Variants in SHANK2 observed in about 807,000 individuals in gnomAD.
SHANK2 encodes the protein SH3 and multiple ankyrin repeat domains 2.
Under a neutral mutation model 133.7 loss-of-function variants are expected in SHANK2, and 43 were observed. The ratio of observed to expected loss-of-function variants is 0.32; its 90% CI spans 0.25 to 0.41. The LOEUF (loss-of-function observed/expected upper bound fraction) is 0.41. SHANK2 is among the 10% of genes least tolerant of loss of function. SHANK2 has a pLI of 1.00. For synonymous variants in SHANK2, 1,017 were observed against 952.8 expected, an observed-to-expected ratio of 1.07 and a Z score of -1.24; for missense variants, 1,994 against 2,235.8, an observed-to-expected ratio of 0.89 and a Z score of 2.18.
chr11:70,596,226 C>T (rs1304905795), intron 17 of SHANK2, among the ~76,000 whole-genome samples: 2 of 152,224 alleles, frequency 1.3e-5, no homozygotes, highest in African/African-American at 4.8e-5. Context: ...CTGTGGGGCA[C>T]CTGGGCCAGG....
At chr11:71,251,235 G>C (rs1484919779) in intron 1 of SHANK2, among the ~76,000 whole-genome samples, 3 of 152,138 alleles carry the variant, frequency 2.0e-5, no homozygotes, top group Non-Finnish European at 2.9e-5. Flanking sequence ...CCAGCCCCAC[G>C]GAAAGGCAAG....
intron 8 of SHANK2, among the ~76,000 whole-genome samples, chr11:71,086,662 A>C (rs1187295694): frequency 1.3e-5 from 2 of 151,290 alleles, no homozygotes; most frequent in East Asian, 3.9e-4. Flanking sequence ...CCTGAGAAGG[A>C]TGAGATCCTG....
intron 17 of SHANK2, among the ~76,000 whole-genome samples, chr11:70,622,664 C>T (rs1329250442): frequency 6.6e-6 from 1 of 152,208 alleles, no homozygotes; most frequent in Non-Finnish European, 1.5e-5. Context: ...CTCAAGATCT[C>T]ATCTCAAGAT....
chr11:70,876,185 C>T (rs1307779043), intron 11 of SHANK2, among the ~76,000 whole-genome samples: 1 of 151,442 alleles, frequency 6.6e-6, no homozygotes. Context: ...CATATATACA[C>T]ACACGTATAT....
intron 15 of SHANK2, 69 bp from the exon 16 acceptor site, chr11:70,661,747 G>A (rs1038601607): frequency 2.5e-6 from 4 of 1,614,056 alleles, no homozygotes; most frequent in Non-Finnish European, 2.5e-6. Flanking sequence ...CCGCTCCTCC[G>A]CCGGGGACGT....
chr11:70,811,243 A>G (rs993564441), intron 12 of SHANK2, among the ~76,000 whole-genome samples: 6 of 152,204 alleles, frequency 3.9e-5, no homozygotes, highest in African/African-American at 1.4e-4. Flanking sequence ...AGCAGGAGTC[A>G]CAGGGTCTGT....
intron 3 of SHANK2, among the ~76,000 whole-genome samples, chr11:71,139,078 C>A (rs1432737714): frequency 1.3e-5 from 2 of 152,228 alleles, no homozygotes; most frequent in Non-Finnish European, 2.9e-5. Context: ...TGAAGTACCC[C>A]ACTGGAAGAT....
intron 8 of SHANK2, among the ~76,000 whole-genome samples, chr11:71,085,793 TGATAC>T (rs1299330116): frequency 3.0e-3 from 213 of 71,574 alleles, no homozygotes; most frequent in African/African-American, 5.7e-3. Flanking sequence ...ATATAATATA[TGATAC>T]AACATAATAT....
At chr11:70,855,406 G>T (rs548223189) in intron 11 of SHANK2, among the ~76,000 whole-genome samples, 1 of 152,288 alleles carries the variant, frequency 6.6e-6, no homozygotes, top group South Asian at 2.1e-4. Flanking sequence ...CCTCCTCTTT[G>T]CTCCCCCAAC....
chr11:71,131,044 C>A (rs1383313709), intron 3 of SHANK2, among the ~76,000 whole-genome samples: 1 of 152,238 alleles, frequency 6.6e-6, no homozygotes, highest in Non-Finnish European at 1.5e-5. Context: ...TAAACACAAG[C>A]TTGGCAGGGG....
chr11:70,514,377 G>A (rs972454801), intron 17 of SHANK2, among the ~76,000 whole-genome samples: 3 of 152,198 alleles, frequency 2.0e-5, no homozygotes, highest in African/African-American at 4.8e-5. Flanking sequence ...ACTAAAGAAC[G>A]TTCTTCAAGC....
chr11:71,115,253 T>C (rs1338642375), intron 4 of SHANK2, among the ~76,000 whole-genome samples: 1 of 152,078 alleles, frequency 6.6e-6, no homozygotes, highest in Non-Finnish European at 1.5e-5. Context: ...TGGATCAACC[T>C]GAGGCCAGGA....
At chr11:71,233,207 G>A (rs1954772804) in intron 1 of SHANK2, among the ~76,000 whole-genome samples, 1 of 152,088 alleles carries the variant, frequency 6.6e-6, no homozygotes, top group African/African-American at 2.4e-5. Context: ...CCCAAAAGTG[G>A]AGGTAACCCC....
intron 10 of SHANK2, among the ~76,000 whole-genome samples, chr11:70,901,001 A>G (rs1950014506): frequency 6.6e-6 from 1 of 152,174 alleles, no homozygotes; most frequent in Non-Finnish European, 1.5e-5. Context: ...CTCACAGCAG[A>G]GACACAGCCG....
chr11:70,934,812 G>T (rs114093433), intron 10 of SHANK2, among the ~76,000 whole-genome samples: 2 of 152,182 alleles, frequency 1.3e-5, no homozygotes, highest in South Asian at 2.1e-4. Flanking sequence ...CAGTGTGGCC[G>T]TTCAAAGAGG....
chr11:70,836,332 C>T (rs1948815927), intron 11 of SHANK2, among the ~76,000 whole-genome samples: 1 of 152,234 alleles, frequency 6.6e-6, no homozygotes, highest in Non-Finnish European at 1.5e-5. Flanking sequence ...TCCACCCTTG[C>T]TGCTTGAGAC....
At chr11:71,084,687 T>G (rs1312845934) in intron 8 of SHANK2, among the ~76,000 whole-genome samples, 1 of 152,134 alleles carries the variant, frequency 6.6e-6, no homozygotes, top group Admixed American at 6.5e-5. Context: ...CCCCTGTAAT[T>G]TCTTCTGCCA....
At chr11:70,850,901 G>A (rs1373840) in intron 11 of SHANK2, among the ~76,000 whole-genome samples, 34 of 152,236 alleles carry the variant, frequency 2.2e-4, no homozygotes, top group Admixed American at 1.0e-3. Context: ...CAACCCCTTC[G>A]CCCTCCAAGC....
rs1187711661 is a variant in SHANK2, at chr11:70,729,448, T to C, written c.1778-30685A>G. Among the ~76,000 whole-genome samples the C allele has an allele frequency of 2.0e-5, 3 of 151,972 alleles. No homozygotes were observed. In the East Asian group the frequency reaches 5.8e-4, roughly 29 times the overall value. On this transcript the variant is annotated intron_variant, in intron 14 of 25. Coordinates refer to ENST00000601538, the MANE Select transcript of SHANK2 (RefSeq NM_012309.5). ...GCTTCCTTTTGGGATCTAAAAGTAT[T>C]CTGGAGTGAGCGAGAGAGAGGTGGC...
Sources: gnomAD v4.1 joint callset for allele counts (sites outside exome capture counted in the v4.1 genomes callset) on GRCh38, gnomAD v4.1.1 for gene constraint, MANE v1.5 for transcripts, NCBI Gene and HGNC (gene_info 2026-07-23, HGNC 2026-07-21) for gene names.